The following EEPD1 variants were observed in gnomAD, a reference collection of about 807,000 sequenced individuals.
The protein encoded by EEPD1 is endonuclease/exonuclease/phosphatase family domain containing 1.
Under a neutral mutation model 46.3 loss-of-function variants are expected in EEPD1, and 17 were observed. The observed-to-expected ratio is 0.37, with a 90% confidence interval of 0.25 to 0.55. The LOEUF (loss-of-function observed/expected upper bound fraction) is 0.55, where lower values mean the gene tolerates loss of function less well. EEPD1 is among the 20% of genes least tolerant of loss of function. The pLI, the probability that EEPD1 is intolerant of heterozygous loss-of-function variation, is 0.83. For missense variants in EEPD1, 673 were observed against 745.6 expected, an observed-to-expected ratio of 0.90 and a Z score of 1.13; for synonymous variants, 313 against 315.6, an observed-to-expected ratio of 0.99 and a Z score of 0.09.
rs886810167 is a variant in EEPD1 at position 36,214,832 on chromosome 7, A to G, written c.879-24153A>G. On this transcript the variant is annotated intron_variant, in intron 2 of 7. Transcript: ENST00000242108. ...CTTCTTGGAAGTGCTTTTGAAGTTG[A>G]CTCCACTCAGAACCTCCTTTGGAAT... 5.9e-5 allele frequency among the ~76,000 whole-genome samples: 9 copies of G among 152,040 alleles called. No homozygotes were observed. In the East Asian group the frequency reaches 1.7e-3, roughly 29 times the overall value.
rs534213501 is a variant in EEPD1, at chr7:36,222,403, G to T, written c.879-16582G>T. 2.0e-5 allele frequency among the ~76,000 whole-genome samples: 3 copies of T among 152,162 alleles called. No homozygotes were observed. The East Asian group carries it at 5.8e-4, about 29-fold the overall frequency. The stretch of plus-strand genomic sequence containing the variant: ...GCTGAGGAGGACAAGGAAGAGGAGG[G>T]GTTGGTCTTGTTATCTCAGGGTGGC... On this transcript the variant is annotated intron_variant, in intron 2 of 7. Transcript: ENST00000242108.
chr7:36,282,755 G>T (rs186363035), intron 4 of EEPD1, among the ~76,000 whole-genome samples: 5 of 152,374 alleles, frequency 3.3e-5, no homozygotes, highest in Non-Finnish European at 7.3e-5. Context: ...GCCTGCAGTG[G>T]ACTGAGAGAG....
chr7:36,271,876 ATTCTATTGTATTCTATTCTATT>A (rs1787110576), intron 3 of EEPD1, among the ~76,000 whole-genome samples: 10 of 19,098 alleles, frequency 5.2e-4, no homozygotes, highest in African/African-American at 1.2e-3. Context: ...ATTCTATTCT[ATTCTATTGTATTCTATTCTATT>A]CGAGACAGAG....
intron 5 of EEPD1, among the ~76,000 whole-genome samples, chr7:36,285,911 C>T (rs1042291229): frequency 2.0e-5 from 3 of 152,192 alleles, no homozygotes; most frequent in Non-Finnish European, 2.9e-5. Context: ...CAGCCCCTCT[C>T]ATTCCTCTGT....
At position 36,205,161 on chromosome 7, in the gene EEPD1, A is replaced by G. The variant is rs558324071; in HGVS notation, c.879-33824A>G. 2.9e-3 allele frequency among the ~76,000 whole-genome samples: 446 copies of G among 152,204 alleles called. 1 individual carries two copies. Among genetic ancestry groups the G allele is most frequent in the Non-Finnish European group, 3.1e-3 (214 of 68,018 alleles). Reference sequence around the variant, plus strand: ...TCAGGGAGGTGTGAGATGGACAGGGAGGGGGGTCACCAGGATAGAGACAAC... The same window carrying G: ...TCAGGGAGGTGTGAGATGGACAGGGGGGGGGGTCACCAGGATAGAGACAAC... On this transcript the variant is annotated intron_variant, in intron 2 of 7. Coordinates refer to ENST00000242108, the MANE Select transcript of EEPD1 (RefSeq NM_030636.3).
intron 3 of EEPD1, among the ~76,000 whole-genome samples, chr7:36,278,193 C>T (rs927680731): frequency 6.6e-6 from 1 of 152,146 alleles, no homozygotes; most frequent in Non-Finnish European, 1.5e-5. Flanking sequence ...GACCACCAGC[C>T]ACGAGCATGG....
At chr7:36,250,061 AG>A in intron 3 of EEPD1, among the ~76,000 whole-genome samples, 1 of 152,160 alleles carries the variant, frequency 6.6e-6, no homozygotes, top group East Asian at 1.9e-4. Flanking sequence ...TCTACAAAAA[AG>A]TTTTTAAAAG....
chr7:36,226,019 G>A (rs1192755556), intron 2 of EEPD1, among the ~76,000 whole-genome samples: 1 of 152,184 alleles, frequency 6.6e-6, no homozygotes, highest in African/African-American at 2.4e-5. Context: ...AAACTAGAGA[G>A]CAGTTTAAAT....
intron 2 of EEPD1, among the ~76,000 whole-genome samples, chr7:36,235,985 C>T (rs1236326803): frequency 1.3e-5 from 2 of 148,838 alleles, no homozygotes; most frequent in Non-Finnish European, 3.0e-5. Flanking sequence ...AGTGCAGTGG[C>T]GTGATCTCTG....
intron 3 of EEPD1, among the ~76,000 whole-genome samples, chr7:36,269,936 T>C (rs149171011): frequency 6.6e-6 from 1 of 152,300 alleles, no homozygotes; most frequent in African/African-American, 2.4e-5. Flanking sequence ...TCATAGTGAT[T>C]AGAAATGAAC....
At chr7:36,197,273 C>T (rs1373558230) in intron 2 of EEPD1, among the ~76,000 whole-genome samples, 1 of 145,742 alleles carries the variant, frequency 6.9e-6, no homozygotes, top group East Asian at 2.0e-4. Context: ...GGCAGCCGCC[C>T]CGTCCGGGAG....
At position 36,196,459 on chromosome 7, in the gene EEPD1, C is replaced by T. The variant is rs184133261; in HGVS notation, c.878+41257C>T. On this transcript the variant is annotated intron_variant, in intron 2 of 7. Transcript: ENST00000242108. ...CCTTTCCATGGTCTCCCTCTCATGC[C>T]GGGCCAAAGCTGGACTGTACTGCTG... is the stretch of plus-strand genomic sequence containing the variant. 2.4e-3 allele frequency among the ~76,000 whole-genome samples: 362 copies of T among 152,274 alleles called. 2 individuals are homozygous for T. Among genetic ancestry groups the T allele is most frequent in the African/African-American group, 8.1e-3 (337 of 41,566 alleles).
chr7:36,226,859 A>T (rs574149496), intron 2 of EEPD1, among the ~76,000 whole-genome samples: 1 of 152,322 alleles, frequency 6.6e-6, no homozygotes, highest in South Asian at 2.1e-4. Flanking sequence ...ATATATAATA[A>T]ATCATTTAAA....
intron 4 of EEPD1, among the ~76,000 whole-genome samples, chr7:36,282,776 G>A (rs1167779730): frequency 2.6e-5 from 4 of 152,242 alleles, no homozygotes; most frequent in Non-Finnish European, 5.9e-5. Flanking sequence ...CTCATGCCTG[G>A]CTCTGGCTGC....
rs1430738031 is a variant in EEPD1 at position 36,156,739 on chromosome 7, A to G, written c.878+1537A>G. Among the ~76,000 whole-genome samples the G allele has an allele frequency of 5.3e-5, 8 of 152,296 alleles. No homozygotes were observed. The East Asian group carries it at 1.4e-3, about 26-fold the overall frequency. ...CCCCTGGGGACCAGCAACATCAGCT[A>G]CTGACTCAGAAACTTTGTTTCTGTG... is the stretch of plus-strand genomic sequence containing the variant. On this transcript the variant is annotated intron_variant, in intron 2 of 7. Transcript: ENST00000242108.
chr7:36,293,944 A>G (rs1787485390), intron 6 of EEPD1, among the ~76,000 whole-genome samples: 1 of 152,052 alleles, frequency 6.6e-6, no homozygotes, highest in Admixed American at 6.6e-5. Context: ...AGCCTGGGCG[A>G]CAGAGTGAGA....
chr7:36,293,027 T>A (rs976994529), intron 6 of EEPD1, among the ~76,000 whole-genome samples: 1 of 152,018 alleles, frequency 6.6e-6, no homozygotes, highest in Non-Finnish European at 1.5e-5. Flanking sequence ...TTAAGAAAAC[T>A]GCCTAGTTAA....
intron 2 of EEPD1, among the ~76,000 whole-genome samples, chr7:36,208,004 C>T (rs577824522): frequency 7.1e-4 from 108 of 151,980 alleles, no homozygotes; most frequent in African/African-American, 2.5e-3. Flanking sequence ...CTGAAGCCTG[C>T]GGCCCTCCAG....
chr7:36,192,071 AG>A (rs1785471024), intron 2 of EEPD1, among the ~76,000 whole-genome samples: 1 of 152,264 alleles, frequency 6.6e-6, no homozygotes, highest in African/African-American at 2.4e-5. Flanking sequence ...TGCTCTGCAC[AG>A]GCACACAGAG....
Sources: gnomAD v4.1 joint callset for allele counts (sites outside exome capture counted in the v4.1 genomes callset) on GRCh38, gnomAD v4.1.1 for gene constraint, MANE v1.5 for transcripts, NCBI Gene and HGNC (gene_info 2026-07-23, HGNC 2026-07-21) for gene names.